The following WDR33 variants were observed in gnomAD, a reference collection of about 807,000 sequenced individuals.
The protein encoded by WDR33 is WD repeat domain 33.
WDR33 carries 47 observed loss-of-function variants against 164.9 expected under a neutral mutation model. That is an observed-to-expected ratio of 0.29 (90% CI 0.23 to 0.36). The LOEUF is 0.36. WDR33 is among the 10% of genes least tolerant of loss of function. WDR33 has a pLI of 1.00. For missense variants in WDR33, 1,137 were observed against 1,754.1 expected, an observed-to-expected ratio of 0.65 and a Z score of 6.28; for synonymous variants, 505 against 589.0, an observed-to-expected ratio of 0.86 and a Z score of 2.06.
Position 127,717,297 on chromosome 2 carries a change from T to C in WDR33, c.2761-34A>G. 6.6e-7 allele frequency: 1 copy of C among 1,514,248 alleles called. No individual in the cohort carries two copies. Among genetic ancestry groups the C allele is most frequent in the Non-Finnish European group, 8.8e-7 (1 of 1,130,132 alleles). 93.8% of individuals were successfully genotyped at this position (1,514,248 alleles called of 1,614,324 possible). A position where few individuals can be genotyped will look rare whatever the true frequency, so the allele number is the denominator to read the frequency against. On this transcript the variant is annotated intron_variant, in intron 16 of 21. Coordinates refer to ENST00000322313, the MANE Select transcript of WDR33 (RefSeq NM_018383.5). The surrounding 1 kb of genome is among the most constrained non-coding windows in gnomAD (Gnocchi z 5.6). ...ATGTTTTTAAAGTAAGGGTATGAAA[T>C]CACAGGCTTGAGCTACATAAATAGT...
rs1267540941 is a variant in WDR33, at chr2:127,717,230, G to A, written c.2794C>T (p.Pro932Ser). ...TGTGCTCCCTGCTGCCCTAGGCCTG[G>A]TATCAGGGGTGGGGGGCCTGTGCTC... The part of the protein sequence containing the change: ...GQSTGPPPLI[P>S]GLGQQGAQGR... The change falls in exon 17 of 22, where the codon CCA becomes TCA. Residue 932 changes from proline to serine, a missense_variant. Physicochemically the swap from Pro to Ser is moderately conservative, Grantham distance 74. Around this residue, in one of 9 missense-constraint regions of WDR33, gnomAD observed 867 missense variants for 1,073.0 expected, o/e 0.81. Coordinates refer to ENST00000322313, the MANE Select transcript of WDR33 (RefSeq NM_018383.5). This position sits in a 1 kb window ranked among gnomAD's most constrained non-coding sequence, Gnocchi z 5.6. 1.2e-6 allele frequency: 2 copies of A among 1,605,362 alleles called. No homozygotes were observed. The highest frequency in any genetic ancestry group is 1.7e-6 in the Non-Finnish European group (2 of 1,176,202).
intron 1 of WDR33, among the ~76,000 whole-genome samples, chr2:127,795,228 G>A (rs1311712850): frequency 1.3e-5 from 2 of 151,024 alleles, no homozygotes; most frequent in Non-Finnish European, 2.9e-5. Context: ...AGCCTCCTGA[G>A]TAGCTGAGAC....
Position 127,775,023 on chromosome 2 carries a change from C to T in WDR33, c.-23-4019G>A, listed in dbSNP as rs556600715. ...TGACTGCTTAATTAAAATAGAATTT[C>T]CTTTTGGGATGATGAAAATGTCTTG... On this transcript the variant is annotated intron_variant, in intron 1 of 21. Transcript: ENST00000322313. Among the ~76,000 whole-genome samples the T allele has an allele frequency of 7.2e-5, 11 of 152,144 alleles. No homozygotes were observed. In the South Asian group the frequency reaches 2.3e-3, roughly 32 times the overall value.
rs1280805115 is a variant in WDR33, at chr2:127,703,076, C to T, written c.*3247G>A. ...GCCTTCATTTTAGGTTCAGCAGTTACTTTTAACTACCTTAATTTATTGCCA... is the reference window on the plus strand; with the variant it reads ...GCCTTCATTTTAGGTTCAGCAGTTATTTTTAACTACCTTAATTTATTGCCA... On this transcript the variant is annotated 3_prime_UTR_variant, in exon 22 of 22. Coordinates refer to ENST00000322313, the MANE Select transcript of WDR33 (RefSeq NM_018383.5). 1 of 167,046 alleles carries T rather than the reference C, an allele frequency of 6.0e-6. No individual in the cohort carries two copies. The highest frequency in any genetic ancestry group is 1.9e-4 in the East Asian group (1 of 5,202). 10.3% of individuals were successfully genotyped at this position (167,046 alleles called of 1,614,324 possible). A position where few individuals can be genotyped will look rare whatever the true frequency, so the allele number is the denominator to read the frequency against.
rs1448584910 is a variant in WDR33 at position 127,721,431 on chromosome 2, GAT to G, written c.1671+403_1671+404del. On this transcript the variant is annotated intron_variant, in intron 15 of 21. Coordinates refer to ENST00000322313, the MANE Select transcript of WDR33 (RefSeq NM_018383.5). This position sits in a 1 kb window ranked among gnomAD's most constrained non-coding sequence, Gnocchi z 4.9. The stretch of plus-strand genomic sequence containing the variant: ...CCCTAATTGGGTTTTAAAAGTCCAA[GAT>G]ATGACTCAAGGAAGTCACTTAAAAA... Among the ~76,000 whole-genome samples the G allele has an allele frequency of 6.6e-6, 1 of 152,062 alleles. No individual in the cohort carries two copies. Among genetic ancestry groups the G allele is most frequent in the Non-Finnish European group, 1.5e-5 (1 of 68,018 alleles).
rs1376491065 is a variant in WDR33 at position 127,709,822 on chromosome 2, G to A, written c.3343C>T (p.Arg1115Cys). The A allele has an allele frequency of 7.4e-6, 12 of 1,614,048 alleles. No homozygotes were observed. Among genetic ancestry groups the A allele is most frequent in the East Asian group, 2.2e-5 (1 of 44,888 alleles). ...RRGAPPRHEG[R>C]APPRGRDGFP... is the part of the protein sequence containing the mutation. ...CCATCCCTTCCTCTGGGGGGAGCAC[G>A]GCCCTCATGCCTCGGCGGGGCTCCT... The change falls in exon 19 of 22, where the codon CGT becomes TGT. Residue 1115 changes from arginine to cysteine, a missense_variant. Arg to Cys is a radical substitution (Grantham distance 180). Around this residue, in one of 9 missense-constraint regions of WDR33, gnomAD observed 867 missense variants for 1,073.0 expected, o/e 0.81. Transcript: ENST00000322313. The surrounding 1 kb of genome is among the most constrained non-coding windows in gnomAD (Gnocchi z 5.0).
In WDR33 at chr2:127,809,031, CAA is replaced by C. The variant is rs11305287; in HGVS notation, c.-24+1979_-24+1980del. Among the ~76,000 whole-genome samples the C allele has an allele frequency of 2.2e-3, 188 of 84,906 alleles. 1 individual carries two copies. The highest frequency in any genetic ancestry group is 9.8e-3 in the East Asian group (29 of 2,966). 55.7% of individuals were successfully genotyped at this position (84,906 alleles called of 152,430 possible). ...GGGCGACAGAGCGAAACTCTTGTCT[CAA>C]AAAAAAAAAAAAAAAAAAAAGAATT... On this transcript the variant is annotated intron_variant, in intron 1 of 21. Coordinates refer to ENST00000322313, the MANE Select transcript of WDR33 (RefSeq NM_018383.5).
In WDR33 at chr2:127,763,145, T is replaced by A; in HGVS notation, c.641A>T (p.Asp214Val). The change falls in exon 7 of 22, where the codon GAT (aspartate) becomes GTT (valine). Residue 214 changes from aspartate (D) to valine (V), a missense_variant. Around this residue, in one of 9 missense-constraint regions of WDR33, gnomAD observed 83 missense variants for 189.2 expected, o/e 0.44. Coordinates refer to ENST00000322313, the MANE Select transcript of WDR33 (RefSeq NM_018383.5). This position sits in a 1 kb window ranked among gnomAD's most constrained non-coding sequence, Gnocchi z 4.5. ...AIREASFSPTDNKFATCSDDG... is the reference protein window; with the variant it reads ...AIREASFSPTVNKFATCSDDG... The stretch of plus-strand genomic sequence containing the variant: ...ATCAGAGCATGTAGCAAATTTATTA[T>A]CCGTGGGTGAGAAACTGTTACATGA... 1 of 1,614,036 alleles carries A rather than the reference T, an allele frequency of 6.2e-7. No homozygotes were observed. The highest frequency in any genetic ancestry group is 8.5e-7 in the Non-Finnish European group (1 of 1,179,914).
chr2:127,803,158 G>GA lies in WDR33; in HGVS notation c.-24+7853dup, dbSNP rs576142653. ...TCATCTTTAATGCAGTATACGCTAAGAAAAAAAAGGACTGGAAAAAAAACT... is the reference window on the plus strand; with the variant it reads ...TCATCTTTAATGCAGTATACGCTAAGAAAAAAAAAGGACTGGAAAAAAAACT... On this transcript the variant is annotated intron_variant, in intron 1 of 21. Transcript: ENST00000322313. 2.6e-5 allele frequency among the ~76,000 whole-genome samples: 4 copies of GA among 151,588 alleles called. No individual in the cohort carries two copies. The South Asian group carries it at 8.4e-4, about 32-fold the overall frequency.
In WDR33 at chr2:127,708,659, C is replaced by A. The variant is rs1686074577; in HGVS notation, c.3781+18G>T. On this transcript the variant is annotated intron_variant, in intron 21 of 21. Transcript: ENST00000322313. The surrounding 1 kb of genome is among the most constrained non-coding windows in gnomAD (Gnocchi z 6.7). ...GCCCCTGCATCTCCTGGAACCATAA[C>A]CACTGGCCTGCTCTTACCTTTGCCT... The A allele has an allele frequency of 6.4e-7, 1 of 1,572,730 alleles. No homozygotes were observed. Among genetic ancestry groups the A allele is most frequent in the Admixed American group, 1.8e-5 (1 of 54,952 alleles).
At chr2:127,746,998 C>T (rs1007805973) in intron 7 of WDR33, among the ~76,000 whole-genome samples, 1 of 152,108 alleles carries the variant, frequency 6.6e-6, no homozygotes, top group Non-Finnish European at 1.5e-5. Flanking sequence ...TGTAAATATA[C>T]GATTATAGAA....
rs571095447 is a variant in WDR33, at chr2:127,788,430, C to T, written c.-23-17426G>A. Reference sequence around the variant, plus strand: ...GGCTGGCCGGGCGGAGGGCTGACCCCCCCCACCTCCCTCCCGGACGGGGCG... The same window carrying T: ...GGCTGGCCGGGCGGAGGGCTGACCCTCCCCACCTCCCTCCCGGACGGGGCG... On this transcript the variant is annotated intron_variant, in intron 1 of 21. Transcript: ENST00000322313. Among the ~76,000 whole-genome samples, 6 of 131,306 alleles carry T rather than the reference C, an allele frequency of 4.6e-5. No homozygotes were observed. In the East Asian group the frequency reaches 9.7e-4, roughly 21 times the overall value. 86.1% of individuals were successfully genotyped at this position (131,306 alleles called of 152,430 possible). A position where few individuals can be genotyped will look rare whatever the true frequency, so the allele number is the denominator to read the frequency against.
chr2:127,718,619 T>TC lies in WDR33; in HGVS notation c.2760+645dup, dbSNP rs1686351090. ...AGAAGGAGAATTTCTACAGAAATGC[T>TC]CCCCCCTGCAAATACTTTTATATGT... On this transcript the variant is annotated intron_variant, in intron 16 of 21. Coordinates refer to ENST00000322313, the MANE Select transcript of WDR33 (RefSeq NM_018383.5). This position sits in a 1 kb window ranked among gnomAD's most constrained non-coding sequence, Gnocchi z 4.4. Among the ~76,000 whole-genome samples, 2 of 152,012 alleles carry TC rather than the reference T, an allele frequency of 1.3e-5. No individual in the cohort carries two copies. Among genetic ancestry groups the TC allele is most frequent in the Non-Finnish European group, 2.9e-5 (2 of 68,010 alleles).
intron 3 of WDR33, among the ~76,000 whole-genome samples, 167 bp from the exon 4 acceptor site, chr2:127,768,460 GA>G (rs920281252): frequency 1.3e-5 from 2 of 152,066 alleles, no homozygotes; most frequent in African/African-American, 4.8e-5. Flanking sequence ...TTAATTAAGT[GA>G]AGAAAAGTGA....
intron 7 of WDR33, among the ~76,000 whole-genome samples, chr2:127,755,862 C>T (rs1159396509): frequency 6.6e-6 from 1 of 152,132 alleles, no homozygotes; most frequent in African/African-American, 2.4e-5. Flanking sequence ...CACCCTTTTA[C>T]TCCTTGTTTC....
Position 127,709,499 on chromosome 2 carries a change from T to C in WDR33, c.3556A>G (p.Arg1186Gly). 1.2e-6 allele frequency: 2 copies of C among 1,614,080 alleles called. No homozygotes were observed. The highest frequency in any genetic ancestry group is 1.3e-5 in the African/African-American group (1 of 75,056). ...GRKPDSWDGN[R>G]EPGPGHEHFR... ...CGGTTCTTTTCCTTACCAGGCTCTC[T>C]GTTTCCATCCCAGGAATCTGGCTTC... The change falls in exon 20 of 22, where the codon AGA (arginine) becomes GGA (glycine). Residue 1186 changes from arginine to glycine, a missense_variant. Transcript: ENST00000322313. The surrounding 1 kb of genome is among the most constrained non-coding windows in gnomAD (Gnocchi z 5.0).
intron 21 of WDR33, among the ~76,000 whole-genome samples, chr2:127,707,019 A>G (rs114072806): frequency 0.015 from 2,214 of 152,360 alleles, 66 homozygotes; most frequent in African/African-American, 0.051. Flanking sequence ...GTCCCGTGAC[A>G]TGTGGCACTT....
At position 127,709,985 on chromosome 2, in the gene WDR33, T is replaced by C. The variant is rs1686118809; in HGVS notation, c.3309-129A>G. On this transcript the variant is annotated intron_variant, in intron 18 of 21. Coordinates refer to ENST00000322313, the MANE Select transcript of WDR33 (RefSeq NM_018383.5). The surrounding 1 kb of genome is among the most constrained non-coding windows in gnomAD (Gnocchi z 5.0). ...AATTGGGAGGAAAACAAAATAAAAC[T>C]ATATATTTTTGAAAGGATACATTAT... 1.6e-6 allele frequency: 2 copies of C among 1,227,950 alleles called. No individual in the cohort carries two copies. Among genetic ancestry groups the C allele is most frequent in the South Asian group, 3.0e-5 (2 of 65,662 alleles). The allele number at this position is 1,227,950 out of a possible 1,614,324, so 76.1% of individuals were successfully genotyped here.
chr2:127,773,884 C>A (rs2105448951), intron 1 of WDR33, among the ~76,000 whole-genome samples: 1 of 152,102 alleles, frequency 6.6e-6, no homozygotes, highest in South Asian at 2.1e-4. Context: ...CCACCTCAGC[C>A]TCCTGAGTAG....
Sources: allele counts gnomAD v4.1 joint callset (sites outside exome capture counted in the v4.1 genomes callset), GRCh38; gene constraint gnomAD v4.1.1; regional missense constraint gnomAD v4.1.1; non-coding constraint Gnocchi (gnomAD v3.1); transcripts MANE v1.5; gene names NCBI Gene and HGNC (gene_info 2026-07-23, HGNC 2026-07-21).